The following VWA5B1 variants were observed in gnomAD, a reference collection of about 807,000 sequenced individuals.
VWA5B1 encodes the protein von Willebrand factor A domain-containing protein 5B1.
Under a neutral mutation model 118.2 loss-of-function variants are expected in VWA5B1, and 115 were observed. That is an observed-to-expected ratio of 0.97 (90% CI 0.84 to 1.14). The LOEUF (loss-of-function observed/expected upper bound fraction) is 1.14. Among genes scored for constraint, VWA5B1 ranks in the 50% most tolerant of loss-of-function variants. VWA5B1 has a pLI of 0.00. For synonymous variants in VWA5B1, 682 were observed against 658.4 expected (o/e 1.04, Z -0.55); for missense variants, 1,596 against 1,603.8 (o/e 1.00, Z 0.08).
Position 20,343,104 on chromosome 1 carries a change from C to T in VWA5B1, c.2337C>T (p.Phe779=), listed in dbSNP as rs201352070. 9.5e-5 allele frequency: 145 copies of T among 1,532,018 alleles called. No homozygotes were observed. The highest frequency in any genetic ancestry group is 1.2e-4 in the Non-Finnish European group (141 of 1,134,306). The allele number at this position is 1,532,018 out of a possible 1,614,324, so 94.9% of individuals were successfully genotyped here. The part of the protein sequence containing the change: ...DLEPSHHPSA[F]ETETSSDWDP... Reference sequence around the variant, plus strand: ...AGCCGTCCCACCATCCCTCTGCCTTCGAGACAGAGACGTCCTCGGACTGGG... The same window carrying T: ...AGCCGTCCCACCATCCCTCTGCCTTTGAGACAGAGACGTCCTCGGACTGGG... The change falls in exon 16 of 22, where the codon TTC becomes TTT. Residue 779 remains phenylalanine (F), a synonymous_variant. Coordinates refer to ENST00000289815, the MANE Select transcript of VWA5B1 (RefSeq NM_001039500.3).
intron 1 of VWA5B1, among the ~76,000 whole-genome samples, chr1:20,301,994 C>T (rs762073104): frequency 9.2e-5 from 14 of 152,170 alleles, no homozygotes; most frequent in African/African-American, 1.4e-4. Flanking sequence ...TCTTTTCACA[C>T]GCTTAGCCCA....
intron 1 of VWA5B1, among the ~76,000 whole-genome samples, chr1:20,309,691 A>G (rs528540954): frequency 2.6e-5 from 4 of 152,294 alleles, no homozygotes; most frequent in South Asian, 4.1e-4. Flanking sequence ...GGGGTAGCAG[A>G]GACCTGTCCA....
chr1:20,340,338 C>T (rs2089843693), intron 14 of VWA5B1, among the ~76,000 whole-genome samples: 1 of 152,264 alleles, frequency 6.6e-6, no homozygotes, highest in African/African-American at 2.4e-5. Context: ...CTGGGGGAAT[C>T]CTAGTGTTTG....
chr1:20,353,960 C>T lies in VWA5B1; in HGVS notation c.3345C>T (p.Phe1115=), dbSNP rs1190118257. 1.3e-6 allele frequency: 2 copies of T among 1,551,550 alleles called. No individual in the cohort carries two copies. The highest frequency in any genetic ancestry group is 4.9e-5 in the East Asian group (2 of 40,922). The change falls in exon 22 of 22, where the codon TTC becomes TTT. Residue 1115 remains phenylalanine, a synonymous_variant. Coordinates refer to ENST00000289815, the MANE Select transcript of VWA5B1 (RefSeq NM_001039500.3). ...SPPRHPSCDS[F]SLEPLAKGKL... ...CTAGGCACCCGTCCTGTGACAGCTT[C>T]TCCCTGGAGCCTCTGGCCAAGGGCA...
intron 21 of VWA5B1, among the ~76,000 whole-genome samples, chr1:20,352,421 C>T (rs1322812144): frequency 2.0e-5 from 3 of 152,170 alleles, no homozygotes; most frequent in South Asian, 2.1e-4. Context: ...ACCAGCATCA[C>T]GAAAATTCTT....
At chr1:20,315,904 C>A (rs927184131) in intron 4 of VWA5B1, among the ~76,000 whole-genome samples, 1 of 152,082 alleles carries the variant, frequency 6.6e-6, no homozygotes, top group Non-Finnish European at 1.5e-5. Flanking sequence ...GATGACGAGC[C>A]TTGTGCATTT....
In VWA5B1 at chr1:20,348,350, C is replaced by T. The variant is rs144783280; in HGVS notation, c.2870C>T (p.Pro957Leu). 8.4e-6 allele frequency: 13 copies of T among 1,551,666 alleles called. No individual in the cohort carries two copies. In the East Asian group the frequency reaches 2.9e-4, roughly 35 times the overall value. Reference sequence around the variant, plus strand: ...ACGATGCTTGGAGAAGATTCGGCACCAGGAAATGGTAAATTTCAGGCCCTA... The same window carrying T: ...ACGATGCTTGGAGAAGATTCGGCACTAGGAAATGGTAAATTTCAGGCCCTA... ...PQTMLGEDSA[P>L]GNDMEASPTA... The change falls in exon 18 of 22, where the codon CCA becomes CTA. Residue 957 changes from proline to leucine, a missense_variant. Transcript: ENST00000289815.
At position 20,357,173 on chromosome 1, in the gene VWA5B1, T is replaced by C. The variant is rs79857662; in HGVS notation, c.*2910T>C. The stretch of plus-strand genomic sequence containing the variant: ...AAGCTGCCTTCAGTGGGAAAAACAC[T>C]GAGCTGAGAGTTGAGGAACCCAAGC... On this transcript the variant is annotated 3_prime_UTR_variant, in exon 22 of 22. Coordinates refer to ENST00000289815, the MANE Select transcript of VWA5B1 (RefSeq NM_001039500.3). 0.018 allele frequency among the ~76,000 whole-genome samples: 2,686 copies of C among 152,320 alleles called. 34 individuals carry two copies. The highest frequency in any genetic ancestry group is 0.048 in the Middle Eastern group (14 of 294).
intron 1 of VWA5B1, among the ~76,000 whole-genome samples, chr1:20,299,026 T>C (rs1392610745): frequency 6.6e-6 from 1 of 152,178 alleles, no homozygotes; most frequent in Non-Finnish European, 1.5e-5. Context: ...TTATGTTCAC[T>C]CAGATCACCC....
Position 20,314,470 on chromosome 1 carries a change from C to G in VWA5B1, c.441C>G (p.Thr147=). 1 of 1,551,778 alleles carries G rather than the reference C, an allele frequency of 6.4e-7. No individual in the cohort carries two copies. The highest frequency in any genetic ancestry group is 8.7e-7 in the Non-Finnish European group (1 of 1,147,012). ...PMENVTIFIS[T]SSELPTLPSG... ...AGAATGTCACCATCTTCATCAGCAC[C>G]TCCTCGGAGCTCCCAACGCTGCCCA... Residue 147 remains threonine, a synonymous_variant, in exon 4 of 22, where the codon ACC becomes ACG. Transcript: ENST00000289815.
intron 9 of VWA5B1, among the ~76,000 whole-genome samples, chr1:20,329,545 G>A (rs2089486112): frequency 1.3e-5 from 2 of 152,034 alleles, no homozygotes; most frequent in Non-Finnish European, 2.9e-5. Flanking sequence ...CTGACCTCAA[G>A]TGATCCACCT....
At chr1:20,328,065 A>G in intron 9 of VWA5B1, 65 bp downstream of exon 9, 1 of 1,460,564 alleles carries the variant, frequency 6.8e-7, no homozygotes, top group Non-Finnish European at 9.4e-7. Context: ...GAAAGGAGGG[A>G]AAGGGGAAAA....
rs2089064125 is a variant in VWA5B1, at chr1:20,317,704, G to A, written c.709+29G>A. 4.6e-6 allele frequency: 7 copies of A among 1,538,150 alleles called. 1 individual carries two copies. Among genetic ancestry groups the A allele is most frequent in the South Asian group, 2.4e-5 (2 of 82,458 alleles). Reference sequence around the variant, plus strand: ...AGAGGGAGACATCCAGACGGGATGGGTGAGCTTCAGGCGAAAAGCCAAAGG... The same window carrying A: ...AGAGGGAGACATCCAGACGGGATGGATGAGCTTCAGGCGAAAAGCCAAAGG... On this transcript the variant is annotated intron_variant, in intron 5 of 21. Transcript: ENST00000289815.
In VWA5B1 at chr1:20,330,366, C is replaced by T. The variant is rs1170567837; in HGVS notation, c.1441C>T (p.His481Tyr). The T allele has an allele frequency of 3.2e-6, 5 of 1,551,604 alleles. No individual in the cohort carries two copies. The Admixed American group carries it at 9.8e-5, about 30-fold the overall frequency. ...TGKVLELVRN[H>Y]AFSTRCYSFG... is the part of the protein sequence containing the mutation. ...GAAGGTGCTGGAGCTGGTGCGAAATCACGCCTTCTCCACCAGGTCGGCCTT... is the reference window on the plus strand; with the variant it reads ...GAAGGTGCTGGAGCTGGTGCGAAATTACGCCTTCTCCACCAGGTCGGCCTT... Residue 481 changes from histidine to tyrosine, a missense_variant, in exon 10 of 22, where the codon CAC (histidine) becomes TAC (tyrosine). His to Tyr is a moderately conservative substitution (Grantham distance 83). Coordinates refer to ENST00000289815, the MANE Select transcript of VWA5B1 (RefSeq NM_001039500.3).
At chr1:20,343,793 C>G (rs79518087) in intron 16 of VWA5B1, among the ~76,000 whole-genome samples, 4 of 33,652 alleles carry the variant, frequency 1.2e-4, no homozygotes, top group South Asian at 9.1e-4. Flanking sequence ...ACCCGCCCCC[C>G]CTCTCCCGTC....
chr1:20,318,560 A>G, intron 5 of VWA5B1, 30 bp from the exon 6 acceptor site: 1 of 1,550,498 alleles, frequency 6.4e-7, no homozygotes, highest in Non-Finnish European at 8.7e-7. Flanking sequence ...TCATGAGCCT[A>G]TATCCCCCTT....
intron 1 of VWA5B1, among the ~76,000 whole-genome samples, chr1:20,301,624 A>C (rs2088505679): frequency 6.6e-6 from 1 of 152,332 alleles, no homozygotes; most frequent in East Asian, 1.9e-4. Context: ...ATTCAAAAAC[A>C]GCTCTCCCTG....
At chr1:20,309,970 G>C (rs2088796988) in intron 1 of VWA5B1, among the ~76,000 whole-genome samples, 1 of 150,564 alleles carries the variant, frequency 6.6e-6, no homozygotes, top group Non-Finnish European at 1.5e-5. Context: ...GGGCGTGGGG[G>C]TGGGGGGTGG....
intron 21 of VWA5B1, among the ~76,000 whole-genome samples, chr1:20,352,637 T>A (rs2090151963): frequency 6.6e-6 from 1 of 152,126 alleles, no homozygotes; most frequent in Admixed American, 6.5e-5. Flanking sequence ...GAGACTCAGG[T>A]CTGGAGTGGG....
Sources: allele counts gnomAD v4.1 joint callset (sites outside exome capture counted in the v4.1 genomes callset), GRCh38; gene constraint gnomAD v4.1.1; transcripts MANE v1.5; gene names NCBI Gene and HGNC (gene_info 2026-07-23, HGNC 2026-07-21).